Variants in CACNA1C observed in about 807,000 individuals in gnomAD.
The protein encoded by CACNA1C is calcium voltage-gated channel subunit alpha1 C, also known as voltage-dependent L-type calcium channel subunit alpha-1C.
A neutral mutation model predicts 229.0 loss-of-function variants in CACNA1C; 30 were observed. The ratio of observed to expected loss-of-function variants is 0.13; its 90% CI spans 0.10 to 0.18. The LOEUF (loss-of-function observed/expected upper bound fraction) is 0.18. Ranked by LOEUF, CACNA1C falls within the 10% of genes least tolerant of loss-of-function variation. CACNA1C has a pLI of 1.00. For synonymous variants in CACNA1C, 1,114 were observed against 1,132.5 expected (o/e 0.98, Z 0.33); for missense variants, 1,658 against 2,845.0 (o/e 0.58, Z 9.49).
intron 3 of CACNA1C, among the ~76,000 whole-genome samples, chr12:2,415,666 G>A (rs894450205): frequency 2.6e-5 from 4 of 152,128 alleles, no homozygotes; most frequent in Non-Finnish European, 5.9e-5. Context: ...AGTGGTGACC[G>A]TCAGTGGCAG....
At chr12:2,515,031 CTG>C (rs2099793365) in intron 9 of CACNA1C, among the ~76,000 whole-genome samples, 1 of 152,214 alleles carries the variant, frequency 6.6e-6, no homozygotes, top group Non-Finnish European at 1.5e-5. Flanking sequence ...GCCTTAGACT[CTG>C]GAGACTGGTT....
intron 3 of CACNA1C, among the ~76,000 whole-genome samples, chr12:2,255,334 A>G (rs1482700183): frequency 1.3e-5 from 2 of 151,746 alleles, no homozygotes; most frequent in African/African-American, 2.4e-5. Context: ...AGTTCTCAGT[A>G]CCTGTGTGGA....
rs2097901743 is a variant in CACNA1C at position 2,210,944 on chromosome 12, C to T, written c.477+90514C>T. ...AGAAGGAAGAAAGTATACAGGTGGGCAAGCTGGGATTATGTGTATCAAGAT... is the reference window on the plus strand; with the variant it reads ...AGAAGGAAGAAAGTATACAGGTGGGTAAGCTGGGATTATGTGTATCAAGAT... On this transcript the variant is annotated intron_variant, in intron 3 of 46. Coordinates refer to ENST00000399655, the MANE Select transcript of CACNA1C (RefSeq NM_000719.7). Among the ~76,000 whole-genome samples, 3 of 152,026 alleles carry T rather than the reference C, an allele frequency of 2.0e-5. 1 individual carries two copies. In the South Asian group the frequency reaches 6.2e-4, roughly 32 times the overall value.
Position 2,556,973 on chromosome 12 carries a change from T to C in CACNA1C, c.1504T>C (p.Phe502Leu). The change falls in exon 11 of 47, where the codon TTC (phenylalanine) becomes CTC (leucine). Residue 502 changes from phenylalanine (F) to leucine (L), a missense_variant. This residue lies in a region of CACNA1C where 149 missense variants were observed against 194.2 expected (regional missense o/e 0.77). Transcript: ENST00000399655. ...CAGCCACCGGATCTCCAAGTCAAAGTTCAGGTGAGTGAGACTCACGCTGCT... is the reference window on the plus strand; with the variant it reads ...CAGCCACCGGATCTCCAAGTCAAAGCTCAGGTGAGTGAGACTCACGCTGCT... The part of the protein sequence containing the change: ...RLAHRISKSK[F>L]SRYWRRWNRF... 6.2e-7 allele frequency: 1 copy of C among 1,612,914 alleles called. No individual in the cohort carries two copies. The highest frequency in any genetic ancestry group is 8.5e-7 in the Non-Finnish European group (1 of 1,178,926).
chr12:2,477,785 A>C (rs937977590), intron 5 of CACNA1C, among the ~76,000 whole-genome samples: 1 of 152,150 alleles, frequency 6.6e-6, no homozygotes, highest in African/African-American at 2.4e-5. Flanking sequence ...TCTTCAGCCT[A>C]GTGGTGCTAA....
At chr12:2,071,366 C>T (rs545255736) in intron 1 of CACNA1C, among the ~76,000 whole-genome samples, 9 of 151,180 alleles carry the variant, frequency 6.0e-5, no homozygotes, top group Non-Finnish European at 1.0e-4. Flanking sequence ...TGGAGATGTG[C>T]GGCACCATGC....
chr12:2,649,471 G>A lies in CACNA1C; in HGVS notation c.3945+964G>A, dbSNP rs149772732. Among the ~76,000 whole-genome samples the A allele has an allele frequency of 3.2e-4, 48 of 152,328 alleles. 1 individual carries two copies. The East Asian group carries it at 8.7e-3, about 28-fold the overall frequency. On this transcript the variant is annotated intron_variant, in intron 31 of 46. Transcript: ENST00000399655. The surrounding 1 kb of genome is among the most constrained non-coding windows in gnomAD (Gnocchi z 4.4). ...AGGCTGAGCCCGGGTGCTCTACCCC[G>A]CTTCCTGGGGACTCTGCTTCTGGGA...
Position 2,575,128 on chromosome 12 carries a change from A to ATT in CACNA1C, c.1896-6462_1896-6461insTT, listed in dbSNP as rs2057934583. ...CACTCCCCATGCAGGTTCCGTTCTT[A>ATT]ATGTGACCGAGACATCTGCTGCAAA... On this transcript the variant is annotated intron_variant, in intron 13 of 46. Coordinates refer to ENST00000399655, the MANE Select transcript of CACNA1C (RefSeq NM_000719.7). The surrounding 1 kb of genome is among the most constrained non-coding windows in gnomAD (Gnocchi z 4.0). 6.6e-6 allele frequency among the ~76,000 whole-genome samples: 1 copy of ATT among 152,196 alleles called. No individual in the cohort carries two copies. The highest frequency in any genetic ancestry group is 1.5e-5 in the Non-Finnish European group (1 of 68,032).
At chr12:2,091,063 C>T (rs571787626) in intron 1 of CACNA1C, among the ~76,000 whole-genome samples, 82 of 152,304 alleles carry the variant, frequency 5.4e-4, no homozygotes, top group African/African-American at 1.9e-3. Flanking sequence ...CATCAATACT[C>T]GAGGATTTCT....
At chr12:2,358,590 A>G (rs1379398594) in intron 3 of CACNA1C, among the ~76,000 whole-genome samples, 1 of 152,142 alleles carries the variant, frequency 6.6e-6, no homozygotes. Context: ...AAAAATTATC[A>G]TATAAGAAAG....
At chr12:2,542,163 T>C (rs1367348434) in intron 9 of CACNA1C, among the ~76,000 whole-genome samples, 1 of 152,210 alleles carries the variant, frequency 6.6e-6, no homozygotes, top group Non-Finnish European at 1.5e-5. Context: ...AAAACTAAAG[T>C]GGTTCTGACT....
intron 3 of CACNA1C, among the ~76,000 whole-genome samples, chr12:2,299,270 G>A (rs2094360565): frequency 6.6e-6 from 1 of 152,158 alleles, no homozygotes; most frequent in Non-Finnish European, 1.5e-5. Flanking sequence ...GACATCAGGG[G>A]GTGTGGTTTT....
At chr12:2,607,833 C>T (rs1285207972) in intron 26 of CACNA1C, 1 of 152,234 alleles carries the variant, frequency 6.6e-6, no homozygotes, top group Non-Finnish European at 1.5e-5. Context: ...AACAGCAATG[C>T]ATGGATCTTA....
At chr12:2,176,984 G>C (rs539776871) in intron 3 of CACNA1C, among the ~76,000 whole-genome samples, 5 of 152,290 alleles carry the variant, frequency 3.3e-5, no homozygotes, top group African/African-American at 1.2e-4. Flanking sequence ...TCTACGGAGG[G>C]TGACCCCTCC....
intron 3 of CACNA1C, among the ~76,000 whole-genome samples, chr12:2,436,982 A>G (rs1567671731): frequency 6.6e-6 from 1 of 152,198 alleles, no homozygotes; most frequent in Admixed American, 6.5e-5. Flanking sequence ...GACTTCACAT[A>G]TAGACATGGA....
At chr12:2,246,870 C>T (rs2073525354) in intron 3 of CACNA1C, among the ~76,000 whole-genome samples, 1 of 152,144 alleles carries the variant, frequency 6.6e-6, no homozygotes, top group Non-Finnish European at 1.5e-5. Flanking sequence ...TTCAAGGAGG[C>T]CAGTTCCCTG....
Position 2,570,446 on chromosome 12 carries a change from C to T in CACNA1C, c.1895+2652C>T, listed in dbSNP as rs183490401. 9.9e-4 allele frequency among the ~76,000 whole-genome samples: 151 copies of T among 151,866 alleles called. 2 individuals are homozygous for T. The highest frequency in any genetic ancestry group is 7.3e-3 in the Admixed American group (112 of 15,246). ...GACATTTAAAGTGTTTCATTTAGTGCACAGAAAGGACTCAATATGCAGAAG... is the reference window on the plus strand; with the variant it reads ...GACATTTAAAGTGTTTCATTTAGTGTACAGAAAGGACTCAATATGCAGAAG... On this transcript the variant is annotated intron_variant, in intron 13 of 46. Coordinates refer to ENST00000399655, the MANE Select transcript of CACNA1C (RefSeq NM_000719.7).
chr12:2,137,255 C>T (rs2093629399), intron 3 of CACNA1C, among the ~76,000 whole-genome samples: 1 of 151,358 alleles, frequency 6.6e-6, no homozygotes. Context: ...AGTTCTACCT[C>T]TGCCTGGTGG....
chr12:2,438,409 G>A (rs2099178250), intron 3 of CACNA1C, among the ~76,000 whole-genome samples: 1 of 138,376 alleles, frequency 7.2e-6, no homozygotes, highest in Non-Finnish European at 1.6e-5. Flanking sequence ...TGGTGGTGGT[G>A]ATGGCGGAAG....
Sources: gnomAD v4.1 joint callset for allele counts (sites outside exome capture counted in the v4.1 genomes callset) on GRCh38, gnomAD v4.1.1 for gene constraint, gnomAD v4.1.1 regional missense constraint, Gnocchi (gnomAD v3.1) non-coding constraint, MANE v1.5 for transcripts, NCBI Gene and HGNC (gene_info 2026-07-23, HGNC 2026-07-21) for gene names.